ATG4C: variants seen among roughly 807,000 people sequenced by gnomAD.
ATG4C encodes cysteine protease ATG4C.
In ATG4C, 56 loss-of-function variants were observed where a neutral mutation model predicts 57.6. That is an observed-to-expected ratio of 0.97 (90% CI 0.78 to 1.21). The LOEUF is 1.21. Ranked by LOEUF, ATG4C falls within the 50% of genes most tolerant of loss-of-function variation. ATG4C has a pLI of 0.00. For synonymous variants in ATG4C, 157 were observed against 174.1 expected, an observed-to-expected ratio of 0.90 and a Z score of 0.78; for missense variants, 595 against 529.8, an observed-to-expected ratio of 1.12 and a Z score of -1.21.
At chr1:62,814,213 A>C (rs541955934) in intron 3 of ATG4C, among the ~76,000 whole-genome samples, 2 of 152,346 alleles carry the variant, frequency 1.3e-5, no homozygotes, top group South Asian at 4.1e-4. Context: ...CATCAGTGAT[A>C]GACTGGATAA....
At chr1:62,856,027 C>CTATA (rs1666671384) in intron 10 of ATG4C, among the ~76,000 whole-genome samples, 2 of 152,106 alleles carry the variant, frequency 1.3e-5, no homozygotes, top group Non-Finnish European at 2.9e-5. Flanking sequence ...TGTATGTAGT[C>CTATA]TTATAGAGTA....
chr1:62,799,104 G>C (rs372933072), intron 1 of ATG4C, among the ~76,000 whole-genome samples: 14 of 152,070 alleles, frequency 9.2e-5, no homozygotes, highest in East Asian at 7.7e-4. Context: ...AATTTTATAG[G>C]GAGAAAAACT....
intron 7 of ATG4C, 78 bp from the exon 8 acceptor site, chr1:62,833,960 A>G (rs1056062311): frequency 2.4e-6 from 3 of 1,228,634 alleles, no homozygotes; most frequent in African/African-American, 1.5e-5. Flanking sequence ...AGCTACTAAT[A>G]TTAGTAATAG....
chr1:62,805,735 T>C (rs1482632029), intron 3 of ATG4C, among the ~76,000 whole-genome samples: 2 of 152,198 alleles, frequency 1.3e-5, no homozygotes, highest in African/African-American at 4.8e-5. Flanking sequence ...CTGGGCTCTT[T>C]AGGAAATATC....
intron 10 of ATG4C, among the ~76,000 whole-genome samples, chr1:62,863,685 T>C (rs1666920671): frequency 6.6e-6 from 1 of 152,078 alleles, no homozygotes; most frequent in Admixed American, 6.6e-5. Context: ...AATTACAACC[T>C]AACTCTCTAG....
chr1:62,808,718 G>C (rs1572111831), intron 3 of ATG4C, among the ~76,000 whole-genome samples: 2 of 152,138 alleles, frequency 1.3e-5, no homozygotes, highest in East Asian at 3.9e-4. Context: ...AGAGGGTGTA[G>C]GGTCTGGCAA....
intron 7 of ATG4C, 124 bp from the exon 8 acceptor site, chr1:62,833,914 G>A: frequency 2.7e-6 from 2 of 753,950 alleles, no homozygotes; most frequent in Non-Finnish European, 4.3e-6. Flanking sequence ...GGGTGCAAAT[G>A]TAATATAAAT....
At chr1:62,810,118 T>C (rs555476983) in intron 3 of ATG4C, among the ~76,000 whole-genome samples, 31 of 152,328 alleles carry the variant, frequency 2.0e-4, no homozygotes, top group Admixed American at 6.5e-4. Context: ...AAGAATTTCA[T>C]TGTAGCTTTA....
chr1:62,809,123 G>C (rs1426043893), intron 3 of ATG4C, among the ~76,000 whole-genome samples: 2 of 151,688 alleles, frequency 1.3e-5, no homozygotes, highest in Non-Finnish European at 2.9e-5. Context: ...ATTTTTTGTA[G>C]AGACAGGGTC....
chr1:62,810,793 C>A (rs1256341225), intron 3 of ATG4C, among the ~76,000 whole-genome samples: 1 of 150,720 alleles, frequency 6.6e-6, no homozygotes, highest in African/African-American at 2.4e-5. Context: ...ATGATATTGA[C>A]CCAGGCCATT....
intron 1 of ATG4C, among the ~76,000 whole-genome samples, chr1:62,791,866 C>A (rs1192250574): frequency 6.6e-6 from 1 of 150,878 alleles, no homozygotes; most frequent in Non-Finnish European, 1.5e-5. Context: ...CTAATGGAAC[C>A]ATTATGCTCC....
intron 6 of ATG4C, among the ~76,000 whole-genome samples, chr1:62,825,875 G>A (rs1305542999): frequency 1.3e-5 from 2 of 151,670 alleles, no homozygotes; most frequent in Non-Finnish European, 2.9e-5. Flanking sequence ...ACATTTAATA[G>A]TGAGTCCTTA....
intron 10 of ATG4C, among the ~76,000 whole-genome samples, chr1:62,847,240 A>G (rs1335936310): frequency 1.3e-5 from 2 of 152,070 alleles, no homozygotes; most frequent in African/African-American, 4.8e-5. Context: ...AAAAACAGAA[A>G]CCATAAGTCG....
intron 3 of ATG4C, among the ~76,000 whole-genome samples, chr1:62,807,555 G>A (rs187702974): frequency 3.9e-5 from 6 of 152,244 alleles, no homozygotes; most frequent in Admixed American, 3.9e-4. Flanking sequence ...ATGTGATGAA[G>A]CCTCCATAAG....
intron 1 of ATG4C, among the ~76,000 whole-genome samples, chr1:62,800,984 T>C (rs996672992): frequency 6.6e-6 from 1 of 152,206 alleles, no homozygotes; most frequent in Non-Finnish European, 1.5e-5. Flanking sequence ...AAGGTCATCA[T>C]ACAGTGAGGG....
At chr1:62,837,117 TC>T (rs1365731821) in intron 9 of ATG4C, among the ~76,000 whole-genome samples, 1 of 152,154 alleles carries the variant, frequency 6.6e-6, no homozygotes, top group African/African-American at 2.4e-5. Context: ...TCTCTGTGAT[TC>T]CAAGTGTTTT....
chr1:62,830,362 T>C (rs1665802786), intron 7 of ATG4C, among the ~76,000 whole-genome samples: 1 of 152,198 alleles, frequency 6.6e-6, no homozygotes. Context: ...TCTAGGTGGG[T>C]TCTAATCAAA....
chr1:62,792,335 G>A (rs1169937011), intron 1 of ATG4C, among the ~76,000 whole-genome samples: 1 of 152,138 alleles, frequency 6.6e-6, no homozygotes, highest in East Asian at 1.9e-4. Context: ...TACCCTGATT[G>A]AGGTTCTCAT....
At chr1:62,835,327 T>C (rs915619043) in intron 9 of ATG4C, 1 of 303,468 alleles carries the variant, frequency 3.3e-6, no homozygotes, top group Non-Finnish European at 6.8e-6. Context: ...AAGAGCTTAG[T>C]TGGGTTTCTA....
Sources: allele counts gnomAD v4.1 joint callset (sites outside exome capture counted in the v4.1 genomes callset), GRCh38; gene constraint gnomAD v4.1.1; transcripts MANE v1.5; gene names NCBI Gene and HGNC (gene_info 2026-07-23, HGNC 2026-07-21).